The following KRTAP13-4 variants were observed in gnomAD, a reference collection of about 807,000 sequenced individuals.
KRTAP13-4 encodes the protein keratin associated protein 13-4, also known as keratin-associated protein 13-4.
For synonymous variants in KRTAP13-4, 80 were observed against 77.2 expected (o/e 1.04, Z -0.19); for missense variants, 198 against 189.6 (o/e 1.04, Z -0.26).
Position 30,430,653 on chromosome 21 carries a change from T to C in KRTAP13-4, c.378T>C (p.Ser126=), listed in dbSNP as rs763143646. 10 of 1,614,068 alleles carry C rather than the reference T, an allele frequency of 6.2e-6. No homozygotes were observed. The African/African-American group carries it at 1.3e-4, about 22-fold the overall frequency. Residue 126 remains serine (S), a synonymous_variant, in exon 1 of 1, where the codon AGT becomes AGC. Coordinates refer to ENST00000334068, the Ensembl canonical transcript of KRTAP13-4. ...GAGGCTGTGGTTTTCCTTCCCTGAG[T>C]TACGGATCCAGATTCTGCTACCCAA...
chr21:30,430,713 T>A, the KRTAP13-4 span: 10 of 1,614,052 alleles, frequency 6.2e-6, no homozygotes, highest in East Asian at 2.0e-4. Context: ...AGTCTTCTTG[T>A]TACAGACCAA....
At chr21:30,430,678 A>G (rs777398830) in exon 1 of KRTAP13-4, 9 of 1,613,964 alleles carry the variant, frequency 5.6e-6, no homozygotes, top group Non-Finnish European at 7.6e-6. Context: ...CTGCTACCCA[A>G]ACTACTTGGC....
chr21:30,430,788 A>G, exon 1 of KRTAP13-4: 1 of 1,571,068 alleles, frequency 6.4e-7, no homozygotes, highest in Non-Finnish European at 8.6e-7. Context: ...TATTGGGATC[A>G]AAGTCTCTAC....
exon 1 of KRTAP13-4, chr21:30,430,469 G>A (rs774843205): frequency 1.2e-6 from 2 of 1,614,028 alleles, no homozygotes; most frequent in Middle Eastern, 1.7e-4. Flanking sequence ...CAGAAATCCT[G>A]CTACCGCCCC....
At chr21:30,430,378 C>G in exon 1 of KRTAP13-4, 1 of 1,614,208 alleles carries the variant, frequency 6.2e-7, no homozygotes, top group Non-Finnish European at 8.5e-7. Context: ...CAGCACTGCC[C>G]TCTGCTCTCC....
At chr21:30,430,806 A>C in exon 1 of KRTAP13-4, 1 of 1,531,082 alleles carries the variant, frequency 6.5e-7, no homozygotes, top group Non-Finnish European at 8.8e-7. Context: ...TACTGAATGC[A>C]GCCATTATTT....
At chr21:30,430,826 C>T in exon 1 of KRTAP13-4, 1 of 1,507,902 alleles carries the variant, frequency 6.6e-7, no homozygotes, top group Non-Finnish European at 8.9e-7. Context: ...TTCATTCTTG[C>T]CAGATCCCAA....
exon 1 of KRTAP13-4, chr21:30,430,587 G>C (rs150222104): frequency 6.2e-7 from 1 of 1,614,128 alleles, no homozygotes; most frequent in East Asian, 2.2e-5. Context: ...GCTGCTACTC[G>C]CTGGGAAATG....
exon 1 of KRTAP13-4, chr21:30,430,817 T>G: frequency 6.6e-7 from 1 of 1,521,256 alleles, no homozygotes; most frequent in Non-Finnish European, 8.8e-7. Flanking sequence ...GCCATTATTT[T>G]CATTCTTGCC....
exon 1 of KRTAP13-4, chr21:30,431,021 C>A: frequency 6.0e-6 from 2 of 333,842 alleles, no homozygotes; most frequent in Admixed American, 8.7e-5. Flanking sequence ...TAATCTGGTA[C>A]CCAAATATAT....
chr21:30,430,861 G>T, exon 1 of KRTAP13-4: 21 of 1,399,584 alleles, frequency 1.5e-5, no homozygotes, highest in Non-Finnish European at 2.0e-5. Context: ...TCCACCACCA[G>T]CTTCTTGCAT....
At chr21:30,430,332 G>C in exon 1 of KRTAP13-4, 5 of 1,613,836 alleles carry the variant, frequency 3.1e-6, no homozygotes, top group Non-Finnish European at 3.4e-6. Context: ...GGGGCTACCT[G>C]TACTACCCAG....
At chr21:30,430,932 T>C in exon 1 of KRTAP13-4, 2 of 673,864 alleles carry the variant, frequency 3.0e-6, no homozygotes, top group Non-Finnish European at 2.5e-6. Context: ...CTAATATCTT[T>C]ACCATTGATC....
At chr21:30,430,929 C>A in exon 1 of KRTAP13-4, 1 of 682,690 alleles carries the variant, frequency 1.5e-6, no homozygotes. Context: ...CTTCTAATAT[C>A]TTTACCATTG....
At chr21:30,430,493 T>G (rs1984426219) in exon 1 of KRTAP13-4, 3 of 1,614,198 alleles carry the variant, frequency 1.9e-6, no homozygotes, top group Non-Finnish European at 2.5e-6. Context: ...ACCTCCATCC[T>G]CTGCTGTCCC....
exon 1 of KRTAP13-4, chr21:30,430,825 G>A: frequency 1.3e-6 from 2 of 1,510,878 alleles, no homozygotes; most frequent in East Asian, 2.3e-5. Context: ...TTTCATTCTT[G>A]CCAGATCCCA....
exon 1 of KRTAP13-4, chr21:30,430,517 G>C: frequency 3.7e-6 from 6 of 1,614,168 alleles, no homozygotes; most frequent in Non-Finnish European, 5.1e-6. Context: ...CAGACGACTT[G>C]CTCTGGATCT....
exon 1 of KRTAP13-4, chr21:30,430,524 A>C (rs1403254083): frequency 1.9e-6 from 3 of 1,613,964 alleles, no homozygotes; most frequent in African/African-American, 2.7e-5. Flanking sequence ...CTTGCTCTGG[A>C]TCTCTAGGCT....
chr21:30,431,000 A>T, exon 1 of KRTAP13-4: 1 of 397,738 alleles, frequency 2.5e-6, no homozygotes, highest in East Asian at 4.2e-5. Flanking sequence ...TTTTAATCTA[A>T]TAAATGTATG....
Sources: allele counts gnomAD v4.1 joint callset, GRCh38; gene constraint gnomAD v4.1.1; transcripts MANE v1.5; gene names NCBI Gene and HGNC (gene_info 2026-07-23, HGNC 2026-07-21).